The following FBXL7 variants were observed in gnomAD, a reference collection of about 807,000 sequenced individuals.
The protein encoded by FBXL7 is F-box/LRR-repeat protein 7.
In FBXL7, 12 loss-of-function variants were observed where a neutral mutation model predicts 38.3. The observed-to-expected ratio is 0.31, with a 90% CI of 0.20 to 0.51. The LOEUF (loss-of-function observed/expected upper bound fraction) is 0.51, where lower values mean the gene tolerates loss of function less well. Ranked by LOEUF, FBXL7 falls within the 20% of genes least tolerant of loss-of-function variation. FBXL7 has a pLI of 0.98. For synonymous variants in FBXL7, 297 were observed against 300.9 expected, an observed-to-expected ratio of 0.99 and a Z score of 0.13; for missense variants, 567 against 676.4, an observed-to-expected ratio of 0.84 and a Z score of 1.79.
At chr5:15,732,316 C>T (rs1735612521) in intron 2 of FBXL7, among the ~76,000 whole-genome samples, 1 of 151,844 alleles carries the variant, frequency 6.6e-6, no homozygotes, top group Admixed American at 6.6e-5. Context: ...TAAAATAAAA[C>T]AGGAGAAGCT....
chr5:15,827,985 GA>G (rs1306678871), intron 2 of FBXL7, among the ~76,000 whole-genome samples: 2 of 152,126 alleles, frequency 1.3e-5, no homozygotes. Context: ...AAGCAGCTCA[GA>G]ACTGTTTTCT....
At chr5:15,888,112 A>G (rs1289491074) in intron 2 of FBXL7, among the ~76,000 whole-genome samples, 2 of 152,244 alleles carry the variant, frequency 1.3e-5, no homozygotes, top group South Asian at 2.1e-4. Flanking sequence ...ATATTGCACT[A>G]TCATCCAGGA....
At chr5:15,602,327 GT>G (rs1739823461) in intron 1 of FBXL7, 1 of 152,066 alleles carries the variant, frequency 6.6e-6, no homozygotes, top group African/African-American at 2.4e-5. Flanking sequence ...AAACTCTCTT[GT>G]TTCTTGGTGG....
chr5:15,827,244 G>GT (rs898141172), intron 2 of FBXL7, among the ~76,000 whole-genome samples: 1 of 151,258 alleles, frequency 6.6e-6, no homozygotes, highest in Non-Finnish European at 1.5e-5. Context: ...TGTCTGTTTT[G>GT]TTTTTTTGGT....
chr5:15,684,501 A>G (rs1742950878), intron 2 of FBXL7, among the ~76,000 whole-genome samples: 1 of 152,214 alleles, frequency 6.6e-6, no homozygotes, highest in South Asian at 2.1e-4. Context: ...AAGAATGTGC[A>G]TGTCCTGCTT....
chr5:15,743,466 T>C (rs1311940712), intron 2 of FBXL7, among the ~76,000 whole-genome samples: 1 of 152,224 alleles, frequency 6.6e-6, no homozygotes, highest in East Asian at 1.9e-4. Flanking sequence ...ATCCAGGGTG[T>C]GCTGATGCAA....
chr5:15,888,457 G>A (rs1196472127), intron 2 of FBXL7, among the ~76,000 whole-genome samples: 1 of 152,002 alleles, frequency 6.6e-6, no homozygotes, highest in Non-Finnish European at 1.5e-5. Context: ...TCGAACTCCT[G>A]ACCTCAAGTG....
intron 2 of FBXL7, among the ~76,000 whole-genome samples, chr5:15,836,579 G>A (rs1738597527): frequency 6.6e-6 from 1 of 152,156 alleles, no homozygotes; most frequent in African/African-American, 2.4e-5. Flanking sequence ...TAGACAGGTA[G>A]TGTCAAGCTT....
At chr5:15,644,242 T>C (rs1348992252) in intron 2 of FBXL7, among the ~76,000 whole-genome samples, 1 of 145,692 alleles carries the variant, frequency 6.9e-6, no homozygotes, top group Non-Finnish European at 1.5e-5. Flanking sequence ...GCGGATCACC[T>C]GAGGTCAGGC....
rs562684475 is a variant in FBXL7 at position 15,836,283 on chromosome 5, A to T, written c.128-91607A>T. Among the ~76,000 whole-genome samples the T allele has an allele frequency of 5.3e-5, 8 of 152,326 alleles. No homozygotes were observed. In the East Asian group the frequency reaches 1.3e-3, roughly 26 times the overall value. On this transcript the variant is annotated intron_variant, in intron 2 of 3. Transcript: ENST00000504595. Reference sequence around the variant, plus strand: ...GGATATGTCAGTCAACAAAAGAAAGATTTCTGCTTTTCTGGGCTCTAACGA... The same window carrying T: ...GGATATGTCAGTCAACAAAAGAAAGTTTTCTGCTTTTCTGGGCTCTAACGA...
intron 1 of FBXL7, among the ~76,000 whole-genome samples, chr5:15,613,982 G>C (rs1740352096): frequency 6.6e-6 from 1 of 152,086 alleles, no homozygotes; most frequent in Non-Finnish European, 1.5e-5. Flanking sequence ...GAAGCTCTGT[G>C]GGATGTCTCA....
intron 1 of FBXL7, among the ~76,000 whole-genome samples, chr5:15,507,690 T>C (rs1316490492): frequency 2.6e-5 from 4 of 152,098 alleles, no homozygotes. Flanking sequence ...ATAAATAAAG[T>C]TTAGATACTT....
intron 2 of FBXL7, among the ~76,000 whole-genome samples, chr5:15,769,897 C>T (rs575722004): frequency 5.9e-5 from 9 of 152,194 alleles, no homozygotes; most frequent in East Asian, 5.8e-4. Flanking sequence ...ATGTGAGACC[C>T]GATTGTGCTA....
chr5:15,780,127 A>G (rs939756569), intron 2 of FBXL7, among the ~76,000 whole-genome samples: 1 of 152,164 alleles, frequency 6.6e-6, no homozygotes, highest in Non-Finnish European at 1.5e-5. Flanking sequence ...AAGGGCAGTA[A>G]CTGGATCACA....
chr5:15,807,484 G>A (rs1737745064), intron 2 of FBXL7, among the ~76,000 whole-genome samples: 1 of 152,128 alleles, frequency 6.6e-6, no homozygotes, highest in African/African-American at 2.4e-5. Context: ...ATCCCCGCTG[G>A]CTGGAGAGAT....
intron 1 of FBXL7, among the ~76,000 whole-genome samples, chr5:15,547,812 T>A (rs1053964352): frequency 1.3e-5 from 2 of 152,184 alleles, no homozygotes; most frequent in Non-Finnish European, 2.9e-5. Flanking sequence ...ATCCTACAGT[T>A]ATTCTTGTCA....
chr5:15,853,046 T>C (rs193164267), intron 2 of FBXL7, among the ~76,000 whole-genome samples: 1 of 152,326 alleles, frequency 6.6e-6, no homozygotes, highest in East Asian at 1.9e-4. Context: ...AGGCAGATCA[T>C]GCTTTTTATG....
intron 2 of FBXL7, among the ~76,000 whole-genome samples, chr5:15,873,571 T>C (rs780363022): frequency 1.3e-5 from 2 of 151,940 alleles, no homozygotes; most frequent in Non-Finnish European, 2.9e-5. Flanking sequence ...AATAAAAGAA[T>C]GATAAAGGGG....
At chr5:15,793,329 C>T (rs1430244207) in intron 2 of FBXL7, among the ~76,000 whole-genome samples, 1 of 152,160 alleles carries the variant, frequency 6.6e-6, no homozygotes, top group Non-Finnish European at 1.5e-5. Flanking sequence ...GGGGAGACTC[C>T]CTCGCATCTC....
Sources: gnomAD v4.1 joint callset for allele counts (sites outside exome capture counted in the v4.1 genomes callset) on GRCh38, gnomAD v4.1.1 for gene constraint, MANE v1.5 for transcripts, NCBI Gene and HGNC (gene_info 2026-07-23, HGNC 2026-07-21) for gene names.